Variants in TSPAN18 observed in about 807,000 individuals in gnomAD.
The protein encoded by TSPAN18 is tetraspanin-18.
In TSPAN18, 14 loss-of-function variants were observed where a neutral mutation model predicts 27.3. The ratio of observed to expected loss-of-function variants is 0.51; its 90% CI spans 0.34 to 0.80. TSPAN18 has a LOEUF of 0.80. Among genes scored for constraint, TSPAN18 ranks in the 30% least tolerant of loss-of-function variants. The pLI is 0.01. For synonymous variants in TSPAN18, 143 were observed against 136.5 expected (o/e 1.05, Z -0.33); for missense variants, 268 against 323.9 (o/e 0.83, Z 1.32).
At position 44,929,302 on chromosome 11, in the gene TSPAN18, C is replaced by A; in HGVS notation, c.*124C>A. ...AGAAGATGAGGCCATCAGAGATGGC[C>A]AGGAGAAGGGCCAGGGGAATAGAGC... On this transcript the variant is annotated 3_prime_UTR_variant, in exon 10 of 10. Transcript: ENST00000520358. The A allele has an allele frequency of 8.3e-7, 1 of 1,205,532 alleles. No homozygotes were observed. Among genetic ancestry groups the A allele is most frequent in the Non-Finnish European group, 1.2e-6 (1 of 839,160 alleles). 74.7% of individuals were successfully genotyped at this position (1,205,532 alleles called of 1,614,324 possible).
At chr11:44,790,167 ATGTG>A (rs770744679) in intron 2 of TSPAN18, among the ~76,000 whole-genome samples, 1 of 139,662 alleles carries the variant, frequency 7.2e-6, no homozygotes, top group Non-Finnish European at 1.5e-5. Flanking sequence ...GTGTGTGTGC[ATGTG>A]TGTGTGTGCG....
intron 2 of TSPAN18, among the ~76,000 whole-genome samples, chr11:44,801,911 G>T (rs1168841007): frequency 2.6e-5 from 4 of 152,006 alleles, no homozygotes; most frequent in Non-Finnish European, 5.9e-5. Flanking sequence ...GTCCACCTGT[G>T]GTCCCAGCTA....
At chr11:44,759,927 G>A (rs78179082) in intron 1 of TSPAN18, among the ~76,000 whole-genome samples, 1 of 152,166 alleles carries the variant, frequency 6.6e-6, no homozygotes, top group Non-Finnish European at 1.5e-5. Context: ...GTTTCACAAA[G>A]GAGTTAACTG....
At chr11:44,784,495 G>A (rs77645346) in intron 2 of TSPAN18, among the ~76,000 whole-genome samples, 18,952 of 152,198 alleles carry the variant, frequency 0.12, 1,598 homozygotes, top group Middle Eastern at 0.2. Flanking sequence ...GGTCGGCCCC[G>A]CAAACTGGGT....
intron 1 of TSPAN18, among the ~76,000 whole-genome samples, chr11:44,763,054 G>A (rs1471354123): frequency 1.3e-5 from 2 of 152,156 alleles, no homozygotes; most frequent in Non-Finnish European, 2.9e-5. Context: ...GTGTAACCTT[G>A]GGCAAGTTAT....
chr11:44,811,164 A>G (rs1429767883), intron 2 of TSPAN18, among the ~76,000 whole-genome samples: 1 of 117,904 alleles, frequency 8.5e-6, no homozygotes, highest in Non-Finnish European at 2.0e-5. Flanking sequence ...ACACACACAC[A>G]CACACACACA....
At chr11:44,918,765 G>A (rs111811569) in intron 6 of TSPAN18, among the ~76,000 whole-genome samples, 2,326 of 152,128 alleles carry the variant, frequency 0.015, 85 homozygotes, top group African/African-American at 0.054. Context: ...AATATTTTGG[G>A]AGTAGGAGAA....
At chr11:44,875,002 G>T (rs142880834) in intron 3 of TSPAN18, among the ~76,000 whole-genome samples, 1 of 152,332 alleles carries the variant, frequency 6.6e-6, no homozygotes, top group South Asian at 2.1e-4. Context: ...GGGGGCAGAG[G>T]GGGCAAGACC....
chr11:44,903,477 G>C (rs1211662327), intron 3 of TSPAN18: 1 of 456,658 alleles, frequency 2.2e-6, no homozygotes, highest in Non-Finnish European at 4.4e-6. Flanking sequence ...TCCTGTAGAG[G>C]TTGGGTTCCA....
intron 4 of TSPAN18, among the ~76,000 whole-genome samples, chr11:44,908,809 A>AAG (rs1491459159): frequency 8.6e-6 from 1 of 116,842 alleles, no homozygotes; most frequent in Non-Finnish European, 1.8e-5. Context: ...GAAAGAAAGA[A>AAG]AGAAAGAAAG....
At position 44,930,969 on chromosome 11, in the gene TSPAN18, C is replaced by A. The variant is rs1294850140; in HGVS notation, c.*1791C>A. On this transcript the variant is annotated 3_prime_UTR_variant, in exon 10 of 10. Coordinates refer to ENST00000520358, the MANE Select transcript of TSPAN18 (RefSeq NM_130783.5). The stretch of plus-strand genomic sequence containing the variant: ...GGACACTCGGAGCCACAGCCTAGAG[C>A]CCCGTGTTCCCTGGCCTGTGCGTCT... The A allele has an allele frequency of 2.0e-6, 1 of 491,310 alleles. No homozygotes were observed. The highest frequency in any genetic ancestry group is 4.2e-6 in the Non-Finnish European group (1 of 239,084). 30.4% of individuals were successfully genotyped at this position (491,310 alleles called of 1,614,324 possible). A position where few individuals can be genotyped will look rare whatever the true frequency, so the allele number is the denominator to read the frequency against.
At chr11:44,778,167 G>A (rs541426500) in intron 2 of TSPAN18, among the ~76,000 whole-genome samples, 21 of 152,192 alleles carry the variant, frequency 1.4e-4, no homozygotes, top group African/African-American at 4.8e-4. Context: ...GTTCTGAGGT[G>A]GGGAAGGAAG....
At chr11:44,750,429 C>T (rs1298889874) in intron 1 of TSPAN18, among the ~76,000 whole-genome samples, 3 of 152,156 alleles carry the variant, frequency 2.0e-5, no homozygotes, top group Admixed American at 6.5e-5. Flanking sequence ...AATAATCCTG[C>T]CTGAGTCTGC....
intron 1 of TSPAN18, among the ~76,000 whole-genome samples, chr11:44,752,164 T>C (rs769807672): frequency 2.0e-5 from 3 of 152,210 alleles, no homozygotes; most frequent in Non-Finnish European, 2.9e-5. Context: ...TGTTTACTTG[T>C]AAGATCTGAC....
chr11:44,819,583 A>G (rs1856885311), intron 2 of TSPAN18, among the ~76,000 whole-genome samples: 1 of 152,164 alleles, frequency 6.6e-6, no homozygotes, highest in South Asian at 2.1e-4. Flanking sequence ...GGAACTCCTA[A>G]TTAATAGACG....
At chr11:44,862,571 G>T (rs1331720127) in intron 3 of TSPAN18, among the ~76,000 whole-genome samples, 1 of 152,224 alleles carries the variant, frequency 6.6e-6, no homozygotes. Context: ...CCTATCATGT[G>T]CCAGGAGCTG....
intron 2 of TSPAN18, among the ~76,000 whole-genome samples, chr11:44,808,168 T>C (rs542972571): frequency 1.3e-5 from 2 of 152,212 alleles, no homozygotes; most frequent in African/African-American, 4.8e-5. Context: ...TGCAACAACT[T>C]CCCCCAGGAA....
intron 3 of TSPAN18, among the ~76,000 whole-genome samples, chr11:44,865,545 T>TA (rs150456875): frequency 0.014 from 2,169 of 152,346 alleles, 50 homozygotes; most frequent in African/African-American, 0.05. Context: ...ATAGGCTTCT[T>TA]AAAAATTCAA....
At chr11:44,767,998 C>T (rs147193212) in intron 2 of TSPAN18, among the ~76,000 whole-genome samples, 60 of 152,300 alleles carry the variant, frequency 3.9e-4, no homozygotes, top group Admixed American at 1.3e-3. Flanking sequence ...CATTTTATTA[C>T]TGTATCTTTA....
Sources: allele counts gnomAD v4.1 joint callset (sites outside exome capture counted in the v4.1 genomes callset), GRCh38; gene constraint gnomAD v4.1.1; transcripts MANE v1.5; gene names NCBI Gene and HGNC (gene_info 2026-07-23, HGNC 2026-07-21).